VSTM4: variants seen among roughly 807,000 people sequenced by gnomAD.
VSTM4 encodes V-set and transmembrane domain-containing protein 4.
Under a neutral mutation model 36.4 loss-of-function variants are expected in VSTM4, and 20 were observed. That is an observed-to-expected ratio of 0.55 (90% confidence interval 0.39 to 0.80). The LOEUF is 0.80. Ranked by LOEUF, VSTM4 falls within the 30% of genes least tolerant of loss-of-function variation. The probability of loss-of-function intolerance (pLI) is 0.00; values close to 1 mark genes in which losing one functional copy is unlikely to be tolerated. For missense variants in VSTM4, 392 were observed against 404.5 expected (o/e 0.97, Z 0.26); for synonymous variants, 182 against 173.9 (o/e 1.05, Z -0.37).
At chr10:49,052,182 C>T (rs1033383982) in intron 5 of VSTM4, among the ~76,000 whole-genome samples, 4 of 152,198 alleles carry the variant, frequency 2.6e-5, no homozygotes, top group Non-Finnish European at 5.9e-5. Context: ...CTATTTAATA[C>T]TTACTGTCAA....
intron 7 of VSTM4, among the ~76,000 whole-genome samples, chr10:49,024,845 T>C (rs1259480420): frequency 2.0e-5 from 3 of 152,176 alleles, no homozygotes; most frequent in Non-Finnish European, 4.4e-5. Flanking sequence ...GAACAGATTC[T>C]AGGAAATTAG....
At chr10:49,032,854 T>TAG (rs1288692756) in intron 7 of VSTM4, among the ~76,000 whole-genome samples, 1 of 149,424 alleles carries the variant, frequency 6.7e-6, no homozygotes, top group South Asian at 2.1e-4. Flanking sequence ...GATAGATCAA[T>TAG]AGAGAGAGAG....
At chr10:49,063,395 C>G (rs748476492) in intron 5 of VSTM4, among the ~76,000 whole-genome samples, 7 of 152,090 alleles carry the variant, frequency 4.6e-5, no homozygotes, top group Non-Finnish European at 1.0e-4. Context: ...CTGATTCATC[C>G]CAGTGTTGAT....
At position 49,019,577 on chromosome 10, in the gene VSTM4, G is replaced by A; in HGVS notation, c.*73C>T. ...GGCATGAGTGAAAATACAGACATAA[G>A]GGCTTTGTCTCCAAGGCTTCATAAA... On this transcript the variant is annotated 3_prime_UTR_variant, in exon 8 of 8. Coordinates refer to ENST00000332853, the MANE Select transcript of VSTM4 (RefSeq NM_001031746.5). 3 of 1,516,382 alleles carry A rather than the reference G, an allele frequency of 2.0e-6. No homozygotes were observed. Among genetic ancestry groups the A allele is most frequent in the East Asian group, 2.3e-5 (1 of 42,888 alleles). 93.9% of individuals were successfully genotyped at this position (1,516,382 alleles called of 1,614,324 possible). A position where few individuals can be genotyped will look rare whatever the true frequency, so the allele number is the denominator to read the frequency against.
Position 49,113,933 on chromosome 10 carries a change from C to G in VSTM4, c.55+1498G>C, listed in dbSNP as rs190500843. On this transcript the variant is annotated intron_variant, in intron 1 of 7. Transcript: ENST00000332853. ...CTCTAAAGGCTCCTGAATTCCAGCT[C>G]TCAAGGCTCCCGAGGGCTCTGGAAA... Among the ~76,000 whole-genome samples, 6 of 152,220 alleles carry G rather than the reference C, an allele frequency of 3.9e-5. No individual in the cohort carries two copies. The East Asian group carries it at 1.2e-3, about 29-fold the overall frequency.
chr10:49,072,768 C>T (rs539196942), intron 4 of VSTM4, among the ~76,000 whole-genome samples: 2 of 152,328 alleles, frequency 1.3e-5, no homozygotes, highest in African/African-American at 2.4e-5. Flanking sequence ...GTCTCAGAGG[C>T]AGGCCCCAGG....
intron 4 of VSTM4, among the ~76,000 whole-genome samples, chr10:49,070,370 T>A (rs941400440): frequency 9.2e-5 from 14 of 151,752 alleles, no homozygotes; most frequent in African/African-American, 3.2e-4. Flanking sequence ...AATATTAAAA[T>A]TAATTTTACC....
intron 1 of VSTM4, among the ~76,000 whole-genome samples, 189 bp downstream of exon 1, chr10:49,115,242 G>C (rs1844972947): frequency 6.6e-6 from 1 of 151,830 alleles, no homozygotes; most frequent in Non-Finnish European, 1.5e-5. Flanking sequence ...CTGAACCTTG[G>C]GGAGGCGCCG....
At chr10:49,026,459 AT>A (rs1843263433) in intron 7 of VSTM4, among the ~76,000 whole-genome samples, 1 of 152,380 alleles carries the variant, frequency 6.6e-6, no homozygotes, top group African/African-American at 2.4e-5. Context: ...ATGCCCAGAT[AT>A]CTTGTCCTAA....
At chr10:49,060,261 G>C (rs1468440909) in intron 5 of VSTM4, among the ~76,000 whole-genome samples, 2 of 152,188 alleles carry the variant, frequency 1.3e-5, no homozygotes, top group Admixed American at 1.3e-4. Context: ...TAACTTAAAG[G>C]TTTTAAGAAA....
At chr10:49,044,423 GAAAA>G (rs1235962556) in intron 7 of VSTM4, among the ~76,000 whole-genome samples, 1 of 111,040 alleles carries the variant, frequency 9.0e-6, no homozygotes, top group Non-Finnish European at 1.9e-5. Context: ...GAGAAAGAAA[GAAAA>G]AGAAAAGAAG....
intron 2 of VSTM4, among the ~76,000 whole-genome samples, chr10:49,096,327 T>C (rs1431168935): frequency 6.6e-6 from 1 of 152,194 alleles, no homozygotes; most frequent in African/African-American, 2.4e-5. Flanking sequence ...CCCCACATAC[T>C]TTTAGGGTGA....
chr10:49,086,822 C>A (rs530346825), intron 2 of VSTM4, among the ~76,000 whole-genome samples: 1 of 152,300 alleles, frequency 6.6e-6, no homozygotes, highest in East Asian at 1.9e-4. Context: ...ACTTTAAATG[C>A]AGCCAGTCTT....
At chr10:49,064,619 A>C in intron 5 of VSTM4, 84 bp downstream of exon 5, 2 of 1,481,892 alleles carry the variant, frequency 1.3e-6, no homozygotes, top group Non-Finnish European at 9.3e-7. Context: ...GTAAAACTAC[A>C]AATTTAATCA....
intron 5 of VSTM4, among the ~76,000 whole-genome samples, chr10:49,054,858 G>C (rs752330363): frequency 2.0e-5 from 3 of 152,162 alleles, no homozygotes; most frequent in Non-Finnish European, 4.4e-5. Flanking sequence ...GGGATGTGCA[G>C]GAGGTGCAGC....
At chr10:49,039,360 C>T (rs988614127) in intron 7 of VSTM4, among the ~76,000 whole-genome samples, 1 of 151,942 alleles carries the variant, frequency 6.6e-6, no homozygotes, top group Non-Finnish European at 1.5e-5. Flanking sequence ...ATCCTGGAGG[C>T]GAGAGGGAGC....
chr10:49,097,512 G>A (rs377347445), intron 2 of VSTM4, among the ~76,000 whole-genome samples: 1 of 152,180 alleles, frequency 6.6e-6, no homozygotes. Context: ...GGTCAAGGGT[G>A]CGTAGAGGGG....
intron 2 of VSTM4, among the ~76,000 whole-genome samples, chr10:49,086,295 A>G (rs548190517): frequency 2.0e-5 from 3 of 152,324 alleles, no homozygotes; most frequent in African/African-American, 7.2e-5. Flanking sequence ...TAGACTTGAA[A>G]AATAAGAAGT....
intron 4 of VSTM4, among the ~76,000 whole-genome samples, chr10:49,075,371 C>T (rs568495771): frequency 6.6e-6 from 1 of 152,364 alleles, no homozygotes; most frequent in South Asian, 2.1e-4. Flanking sequence ...CACACTCCAA[C>T]AGTTGGGTGT....
Sources: gnomAD v4.1 joint callset for allele counts (sites outside exome capture counted in the v4.1 genomes callset) on GRCh38, gnomAD v4.1.1 for gene constraint, MANE v1.5 for transcripts, NCBI Gene and HGNC (gene_info 2026-07-23, HGNC 2026-07-21) for gene names.